Variants in CACNA1A observed in about 807,000 individuals in gnomAD.
CACNA1A encodes voltage-dependent P/Q-type calcium channel subunit alpha-1A.
Under a neutral mutation model 262.4 loss-of-function variants are expected in CACNA1A, and 57 were observed. The observed-to-expected ratio is 0.22, with a 90% CI of 0.18 to 0.27. The LOEUF is 0.27. Among genes scored for constraint, CACNA1A ranks in the 10% least tolerant of loss-of-function variants. The probability of loss-of-function intolerance (pLI) is 1.00; values close to 1 mark genes in which losing one functional copy is unlikely to be tolerated. For missense variants in CACNA1A, 2,526 were observed against 3,562.8 expected, an observed-to-expected ratio of 0.71 and a Z score of 7.41; for synonymous variants, 1,431 against 1,419.3, an observed-to-expected ratio of 1.01 and a Z score of -0.18.
At chr19:13,454,980 T>C in intron 2 of CACNA1A, 127 bp downstream of exon 2, 1 of 586,434 alleles carries the variant, frequency 1.7e-6, no homozygotes, top group Non-Finnish European at 3.1e-6. Flanking sequence ...AAAAGGAAAT[T>C]TAGGCTTCCC....
intron 19 of CACNA1A, among the ~76,000 whole-genome samples, chr19:13,290,786 C>A (rs1489747825): frequency 6.6e-6 from 1 of 151,850 alleles, no homozygotes; most frequent in Non-Finnish European, 1.5e-5. Flanking sequence ...AGAGTGATAT[C>A]CCTGCCATAA....
At chr19:13,237,301 G>C (rs1237629893) in intron 31 of CACNA1A, among the ~76,000 whole-genome samples, 1 of 152,122 alleles carries the variant, frequency 6.6e-6, no homozygotes, top group African/African-American at 2.4e-5. Flanking sequence ...TAAGGGAAGG[G>C]GCTTAATCAG....
intron 6 of CACNA1A, among the ~76,000 whole-genome samples, chr19:13,340,424 ATTTTTTTT>A (rs34472942): frequency 2.7e-5 from 3 of 111,970 alleles, no homozygotes; most frequent in Non-Finnish European, 5.4e-5. Flanking sequence ...AGAGAGGTCT[ATTTTTTTT>A]TTTTTTTTTT....
At chr19:13,429,838 T>C (rs1221595240) in intron 3 of CACNA1A, among the ~76,000 whole-genome samples, 1 of 151,410 alleles carries the variant, frequency 6.6e-6, no homozygotes, top group Non-Finnish European at 1.5e-5. Context: ...CTGGAGGACA[T>C]TATGCTCCAC....
At chr19:13,269,511 G>A (rs1400514756) in intron 24 of CACNA1A, among the ~76,000 whole-genome samples, 2 of 152,192 alleles carry the variant, frequency 1.3e-5, no homozygotes, top group Non-Finnish European at 2.9e-5. Flanking sequence ...TCCATCTTTG[G>A]CTTCCTGACA....
intron 43 of CACNA1A, chr19:13,211,601 G>A (rs979449973): frequency 1.2e-5 from 2 of 160,368 alleles, no homozygotes; most frequent in African/African-American, 4.8e-5. Context: ...GCACGTACAT[G>A]TGTGCATGTG....
rs747304128 is a variant in CACNA1A at position 13,335,918 on chromosome 19, T to G, written c.979-9A>C. ...CCTGAGGCATCGTTGCTCTGTAGGGTGTGAGGAGGGAAAGCAGGTGAGAGT... is the reference window on the plus strand; with the variant it reads ...CCTGAGGCATCGTTGCTCTGTAGGGGGTGAGGAGGGAAAGCAGGTGAGAGT... On this transcript the variant is annotated splice_polypyrimidine_tract_variant and intron_variant, in intron 6 of 46. Coordinates refer to ENST00000360228, the MANE Select transcript of CACNA1A (RefSeq NM_001127222.2). 5.1e-6 allele frequency: 8 copies of G among 1,555,876 alleles called. No individual in the cohort carries two copies. The South Asian group carries it at 9.2e-5, about 18-fold the overall frequency.
intron 19 of CACNA1A, among the ~76,000 whole-genome samples, chr19:13,297,988 A>G (rs1282144066): frequency 6.6e-6 from 1 of 151,250 alleles, no homozygotes; most frequent in Non-Finnish European, 1.5e-5. Context: ...CACCACCACT[A>G]ATTTTTGTAT....
intron 19 of CACNA1A, among the ~76,000 whole-genome samples, chr19:13,295,666 A>G (rs1047297041): frequency 6.6e-6 from 1 of 150,576 alleles, no homozygotes; most frequent in Non-Finnish European, 1.5e-5. Flanking sequence ...TAATTAAAAA[A>G]CTTCTTTTGT....
intron 21 of CACNA1A, 67 bp from the exon 22 acceptor site, chr19:13,283,463 TA>T: frequency 6.3e-7 from 1 of 1,595,082 alleles, no homozygotes; most frequent in Non-Finnish European, 8.6e-7. Context: ...TTTTCTTCCA[TA>T]ATCTCATGTT....
intron 3 of CACNA1A, among the ~76,000 whole-genome samples, chr19:13,391,739 T>C (rs1048533099): frequency 1.3e-5 from 2 of 150,184 alleles, no homozygotes; most frequent in African/African-American, 2.5e-5. Flanking sequence ...TTACCAAAAA[T>C]GAAGAAATTA....
intron 22 of CACNA1A, among the ~76,000 whole-genome samples, chr19:13,281,699 C>A (rs572074323): frequency 6.6e-6 from 1 of 152,200 alleles, no homozygotes; most frequent in Non-Finnish European, 1.5e-5. Flanking sequence ...CGAGGAGGCA[C>A]ATGCCGCGTG....
rs2058143598 is a variant in CACNA1A, at chr19:13,317,116, G to C, written c.1551C>G (p.Phe517Leu). 1.2e-6 allele frequency: 2 copies of C among 1,603,416 alleles called. No homozygotes were observed. The highest frequency in any genetic ancestry group is 1.7e-5 in the Admixed American group (1 of 59,728). ...GTGGGGCTGGGTGATACTCACAAAGGAAGTCGGAGAGCCACTCGGGCTGGT... is the reference window on the plus strand; with the variant it reads ...GTGGGGCTGGGTGATACTCACAAAGCAAGTCGGAGAGCCACTCGGGCTGGT... ...HYNQPEWLSD[F>L]LYYAEFIFLG... The change falls in exon 11 of 47, where the codon TTC becomes TTG. Residue 517 changes from phenylalanine (F) to leucine (L), a missense_variant. By Grantham distance (22) the Phe-to-Leu change is conservative. Around this residue, in one of 17 missense-constraint regions of CACNA1A, gnomAD observed 102 missense variants for 278.9 expected, o/e 0.37. Coordinates refer to ENST00000360228, the MANE Select transcript of CACNA1A (RefSeq NM_001127222.2).
In CACNA1A at chr19:13,283,261, A is replaced by T; in HGVS notation, c.3822+6T>A. On this transcript the variant is annotated splice_donor_region_variant and intron_variant, in intron 22 of 46. Coordinates refer to ENST00000360228, the MANE Select transcript of CACNA1A (RefSeq NM_001127222.2). ...GCTAGGAAGGGGTGTGCTCTGTGGG[A>T]CTCACGTTGTTCCGAGGTGCGTTGG... 1 of 1,613,544 alleles carries T rather than the reference A, an allele frequency of 6.2e-7. No individual in the cohort carries two copies. Among genetic ancestry groups the T allele is most frequent in the Non-Finnish European group, 8.5e-7 (1 of 1,179,586 alleles).
At chr19:13,493,500 T>C (rs1006367828) in intron 1 of CACNA1A, among the ~76,000 whole-genome samples, 1 of 152,198 alleles carries the variant, frequency 6.6e-6, no homozygotes, top group Non-Finnish European at 1.5e-5. Flanking sequence ...GGGGGAAAAA[T>C]TGCTCCCAGT....
chr19:13,458,123 T>TCTCCC, intron 1 of CACNA1A, among the ~76,000 whole-genome samples: 1 of 152,204 alleles, frequency 6.6e-6, no homozygotes, highest in East Asian at 1.9e-4. Flanking sequence ...ACTAAACGCC[T>TCTCCC]CTCCCCTCCC....
At chr19:13,319,959 G>T (rs965365711) in intron 10 of CACNA1A, among the ~76,000 whole-genome samples, 17 of 152,152 alleles carry the variant, frequency 1.1e-4, no homozygotes, top group African/African-American at 4.1e-4. Context: ...GGGGCATATG[G>T]TCATGGGGCA....
intron 24 of CACNA1A, chr19:13,271,649 T>C (rs1420293732): frequency 6.6e-6 from 1 of 152,176 alleles, no homozygotes; most frequent in Non-Finnish European, 1.5e-5. Flanking sequence ...CGATGGCCCA[T>C]AATGGCAAAA....
At chr19:13,230,879 G>A (rs927242081) in intron 35 of CACNA1A, among the ~76,000 whole-genome samples, 1 of 151,952 alleles carries the variant, frequency 6.6e-6, no homozygotes, top group Admixed American at 6.6e-5. Context: ...GTGAGAGGGA[G>A]GGGAGGCTTC....
Sources: gnomAD v4.1 joint callset for allele counts (sites outside exome capture counted in the v4.1 genomes callset) on GRCh38, gnomAD v4.1.1 for gene constraint, gnomAD v4.1.1 regional missense constraint, MANE v1.5 for transcripts, NCBI Gene and HGNC (gene_info 2026-07-23, HGNC 2026-07-21) for gene names.